GALNT13: variants seen among roughly 807,000 people sequenced by gnomAD.
GALNT13 encodes the protein UDP-GalNAc:polypeptide N-acetylgalactosaminyltransferase 13.
GALNT13 carries 28 observed loss-of-function variants against 64.2 expected under a neutral mutation model. That is an observed-to-expected ratio of 0.44 (90% CI 0.32 to 0.60). GALNT13 has a LOEUF of 0.60. GALNT13 is among the 20% of genes least tolerant of loss of function. The pLI is 0.05. For synonymous variants in GALNT13, 214 were observed against 224.6 expected (o/e 0.95, Z 0.42); for missense variants, 577 against 669.8 (o/e 0.86, Z 1.53).
At chr2:153,598,098 T>A in the GALNT13 span, among the ~76,000 whole-genome samples, 1 of 152,132 alleles carries the variant, frequency 6.6e-6, no homozygotes, top group Admixed American at 6.6e-5. Context: ...CCCGTGCATG[T>A]GTGTGTATGT....
chr2:153,606,171 GTA>G, the GALNT13 span, among the ~76,000 whole-genome samples: 1 of 152,106 alleles, frequency 6.6e-6, no homozygotes, highest in African/African-American at 2.4e-5. Flanking sequence ...AGATATATTT[GTA>G]TGTGTGTGTA....
chr2:153,515,156 C>CA, the GALNT13 span, among the ~76,000 whole-genome samples: 8 of 152,120 alleles, frequency 5.3e-5, no homozygotes, highest in Non-Finnish European at 1.0e-4. Context: ...TCTCCACTGG[C>CA]AGTATTAGAG....
intron 4 of GALNT13, among the ~76,000 whole-genome samples, chr2:154,177,028 GT>G (rs1157382255): frequency 6.6e-6 from 1 of 152,174 alleles, no homozygotes; most frequent in African/African-American, 2.4e-5. Context: ...ATTTGGAGGA[GT>G]ATGGCTAAGG....
At chr2:153,976,095 T>C (rs954097847) in intron 3 of GALNT13, among the ~76,000 whole-genome samples, 5 of 152,266 alleles carry the variant, frequency 3.3e-5, no homozygotes, top group African/African-American at 9.6e-5. Flanking sequence ...ACAGCTCTTA[T>C]CTTGTTATAT....
At chr2:153,119,442 G>A in the GALNT13 span, among the ~76,000 whole-genome samples, 1 of 152,088 alleles carries the variant, frequency 6.6e-6, no homozygotes, top group African/African-American at 2.4e-5. Flanking sequence ...TTTATTTATT[G>A]AAAAGTAGTT....
the GALNT13 span, among the ~76,000 whole-genome samples, chr2:153,813,608 G>C: frequency 6.6e-6 from 1 of 152,000 alleles, no homozygotes; most frequent in East Asian, 1.9e-4. Flanking sequence ...GAGGCCATCC[G>C]GTCTGACCTT....
the GALNT13 span, among the ~76,000 whole-genome samples, chr2:153,214,696 C>G: frequency 6.6e-6 from 1 of 152,092 alleles, no homozygotes; most frequent in Non-Finnish European, 1.5e-5. Context: ...GCAAGGCCAA[C>G]ATTTTAATAC....
At chr2:154,293,705 C>T (rs770629270) in intron 8 of GALNT13, among the ~76,000 whole-genome samples, 3 of 152,174 alleles carry the variant, frequency 2.0e-5, no homozygotes, top group South Asian at 4.1e-4. Context: ...TTTCATAGCC[C>T]AAGTTCTTAA....
At chr2:153,645,314 T>C in the GALNT13 span, among the ~76,000 whole-genome samples, 1 of 152,160 alleles carries the variant, frequency 6.6e-6, no homozygotes, top group Admixed American at 6.6e-5. Context: ...ACAGCATTTT[T>C]TCTTTTCCAA....
the GALNT13 span, among the ~76,000 whole-genome samples, chr2:153,081,778 C>G: frequency 6.6e-6 from 1 of 152,096 alleles, no homozygotes; most frequent in Non-Finnish European, 1.5e-5. Flanking sequence ...TGTTGATAGA[C>G]ACTTAGGTTG....
the GALNT13 span, among the ~76,000 whole-genome samples, chr2:153,352,813 T>G: frequency 2.8e-4 from 43 of 152,152 alleles, no homozygotes; most frequent in African/African-American, 1.0e-3. Flanking sequence ...TTGATCTTTT[T>G]GTCGGCTCTT....
At chr2:153,356,944 C>T in the GALNT13 span, among the ~76,000 whole-genome samples, 1 of 151,764 alleles carries the variant, frequency 6.6e-6, no homozygotes, top group Non-Finnish European at 1.5e-5. Flanking sequence ...ACTACAGGCA[C>T]CTGCCACCAC....
the GALNT13 span, among the ~76,000 whole-genome samples, chr2:153,323,251 A>G: frequency 6.6e-6 from 1 of 152,174 alleles, no homozygotes; most frequent in Non-Finnish European, 1.5e-5. Flanking sequence ...ATGACCAGTG[A>G]TGATGAGCTT....
chr2:153,415,335 A>T, the GALNT13 span, among the ~76,000 whole-genome samples: 1 of 152,172 alleles, frequency 6.6e-6, no homozygotes, highest in Non-Finnish European at 1.5e-5. Context: ...ATAAACTGTC[A>T]TCCAAGCCTG....
chr2:153,137,761 C>T, the GALNT13 span, among the ~76,000 whole-genome samples: 1 of 151,120 alleles, frequency 6.6e-6, no homozygotes, highest in Non-Finnish European at 1.5e-5. Context: ...CTGTAACCTA[C>T]TTGTCTTTTT....
At chr2:153,875,623 G>C (rs1402616467) in intron 1 of GALNT13, among the ~76,000 whole-genome samples, 2 of 152,090 alleles carry the variant, frequency 1.3e-5, no homozygotes, top group Admixed American at 1.3e-4. Flanking sequence ...TTTAGGAAAG[G>C]GGTGAGATAA....
intron 8 of GALNT13, among the ~76,000 whole-genome samples, chr2:154,264,793 GA>G (rs34673909): frequency 0.031 from 4,321 of 140,322 alleles, 215 homozygotes; most frequent in African/African-American, 0.1. Context: ...TATCAGAAAA[GA>G]AAAAAAAAAA....
chr2:154,234,182 A>G (rs1168557935), intron 4 of GALNT13, among the ~76,000 whole-genome samples: 2 of 152,204 alleles, frequency 1.3e-5, no homozygotes, highest in Non-Finnish European at 2.9e-5. Context: ...TAAAGATAAA[A>G]TACAAGATAT....
chr2:154,257,398 T>A (rs1456852470), intron 7 of GALNT13, among the ~76,000 whole-genome samples: 2 of 152,116 alleles, frequency 1.3e-5, no homozygotes, highest in Non-Finnish European at 2.9e-5. Flanking sequence ...GATAGGATAA[T>A]TGCAGCAATT....
Sources: gnomAD v4.1 joint callset for allele counts (sites outside exome capture counted in the v4.1 genomes callset) on GRCh38, gnomAD v4.1.1 for gene constraint, MANE v1.5 for transcripts, NCBI Gene and HGNC (gene_info 2026-07-23, HGNC 2026-07-21) for gene names.